DNAH11: variants seen among roughly 807,000 people sequenced by gnomAD.
The protein encoded by DNAH11 is dynein axonemal heavy chain 11, also known as axonemal beta dynein heavy chain 11.
In DNAH11, 442 loss-of-function variants were observed where a neutral mutation model predicts 526.0. That is an observed-to-expected ratio of 0.84 (90% CI 0.78 to 0.91). The LOEUF is 0.91. DNAH11 is among the 40% of genes least tolerant of loss of function. The pLI is 0.00. For missense variants in DNAH11, 6,989 were observed against 5,448.7 expected (o/e 1.28, Z -8.90); for synonymous variants, 2,461 against 1,935.9 (o/e 1.27, Z -7.12).
intron 65 of DNAH11, among the ~76,000 whole-genome samples, chr7:21,829,325 C>G (rs536172654): frequency 6.6e-6 from 1 of 151,956 alleles, no homozygotes; most frequent in East Asian, 1.9e-4. Flanking sequence ...GATGAAGCCT[C>G]CAGAATGGAA....
At chr7:21,794,674 G>A (rs1242186840) in intron 61 of DNAH11, among the ~76,000 whole-genome samples, 1 of 151,758 alleles carries the variant, frequency 6.6e-6, no homozygotes, top group Non-Finnish European at 1.5e-5. Flanking sequence ...TCCTTTGACT[G>A]AGATGAAGAA....
Position 21,773,937 on chromosome 7 carries a change from G to A in DNAH11, c.9274G>A (p.Val3092Ile). 2 of 1,589,890 alleles carry A rather than the reference G, an allele frequency of 1.3e-6. No homozygotes were observed. The highest frequency in any genetic ancestry group is 8.6e-7 in the Non-Finnish European group (1 of 1,168,222). Residue 3092 changes from valine (V) to isoleucine (I), a missense_variant, in exon 56 of 82, where the codon GTA becomes ATA. Transcript: ENST00000409508. ...CCTGTTGAAGAAGAAGCAAAATGAG[G>A]TATCCGAGAAAAAAGAACGCCTGGT... ...KNLLKKKQNEVSEKKERLVNG... is the reference protein window; with the variant it reads ...KNLLKKKQNEISEKKERLVNG...
Position 21,620,960 on chromosome 7 carries a change from A to G in DNAH11, c.4500+882A>G, listed in dbSNP as rs188736290. 5.4e-3 allele frequency among the ~76,000 whole-genome samples: 819 copies of G among 152,048 alleles called. 10 individuals carry two copies. Among genetic ancestry groups the G allele is most frequent in the African/African-American group, 0.019 (778 of 41,472 alleles). The stretch of plus-strand genomic sequence containing the variant: ...GTGCCACATTTGCTTAATCCAGTCT[A>G]TCCTCGTTGGACATTTGGGTTGGTT... On this transcript the variant is annotated intron_variant, in intron 25 of 81. Transcript: ENST00000409508.
At position 21,738,850 on chromosome 7, in the gene DNAH11, A is replaced by G. The variant is rs749545818; in HGVS notation, c.7795A>G (p.Ile2599Val). Reference protein sequence around the residue: ...VQPHTLIRQHIDYGHWYDRQK... With the variant: ...VQPHTLIRQHVDYGHWYDRQK... ...GCCTCACACCCTGATCCGGCAGCATATTGATTATGGACATTGGTAAGCAAG... is the reference window on the plus strand; with the variant it reads ...GCCTCACACCCTGATCCGGCAGCATGTTGATTATGGACATTGGTAAGCAAG... Residue 2599 changes from isoleucine (I) to valine (V), a missense_variant, in exon 47 of 82, where the codon ATT becomes GTT. Physicochemically the swap from Ile to Val is conservative, Grantham distance 29. Coordinates refer to ENST00000409508, the MANE Select transcript of DNAH11 (RefSeq NM_001277115.2). 6.2e-6 allele frequency: 10 copies of G among 1,601,768 alleles called. No individual in the cohort carries two copies. The South Asian group carries it at 1.0e-4, about 17-fold the overall frequency.
chr7:21,751,077 A>C lies in DNAH11; in HGVS notation c.8940+713A>C, dbSNP rs111605569. Among the ~76,000 whole-genome samples the C allele has an allele frequency of 3.0e-3, 454 of 152,284 alleles. 3 individuals are homozygous for C. Among genetic ancestry groups the C allele is most frequent in the African/African-American group, 0.01 (423 of 41,566 alleles). On this transcript the variant is annotated intron_variant, in intron 54 of 81. Transcript: ENST00000409508. ...AGTGGCTCACACCTGTAATCCCAGC[A>C]CTTTAGGAAGCCATGGTGGGTGGAT...
intron 14 of DNAH11, among the ~76,000 whole-genome samples, chr7:21,594,063 T>TACACAC (rs59727118): frequency 0.071 from 9,780 of 137,474 alleles, 402 homozygotes; most frequent in East Asian, 0.087. Flanking sequence ...CATACACACA[T>TACACAC]ACACACACAC....
chr7:21,872,123 C>CGAAAAAAAAAA (rs1783519056), intron 73 of DNAH11, among the ~76,000 whole-genome samples: 2 of 30,822 alleles, frequency 6.5e-5, no homozygotes. Flanking sequence ...GACTCTGTCT[C>CGAAAAAAAAAA]AAAAAAAAAA....
At chr7:21,856,201 T>C (rs1245301190) in intron 68 of DNAH11, among the ~76,000 whole-genome samples, 1 of 152,112 alleles carries the variant, frequency 6.6e-6, no homozygotes, top group Non-Finnish European at 1.5e-5. Flanking sequence ...TTATAATCTG[T>C]GTGCAACAAG....
At chr7:21,793,615 C>A (rs199868639) in intron 61 of DNAH11, among the ~76,000 whole-genome samples, 2,296 of 104,252 alleles carry the variant, frequency 0.022, no homozygotes, top group Middle Eastern at 0.036. Context: ...GACTCTGTCT[C>A]AAAAAAAAAA....
At chr7:21,845,202 T>C (rs892406459) in intron 66 of DNAH11, among the ~76,000 whole-genome samples, 2 of 152,260 alleles carry the variant, frequency 1.3e-5, no homozygotes, top group African/African-American at 4.8e-5. Context: ...TGGTGTCCTT[T>C]GAAGCACAAA....
intron 54 of DNAH11, among the ~76,000 whole-genome samples, chr7:21,756,868 T>C (rs1054607959): frequency 6.6e-6 from 1 of 152,232 alleles, no homozygotes; most frequent in Non-Finnish European, 1.5e-5. Flanking sequence ...CTTCCGGGAA[T>C]GTGGCACGTG....
Position 21,564,143 on chromosome 7 carries a change from A to C in DNAH11, c.983-43A>C, listed in dbSNP as rs72655980. ...GTAAAGTGAATTTAGAAAAAAAAAA[A>C]AAACAAACCAGAATCACGTTAATGG... On this transcript the variant is annotated intron_variant, in intron 5 of 81. Coordinates refer to ENST00000409508, the MANE Select transcript of DNAH11 (RefSeq NM_001277115.2). 2,513 of 1,463,036 alleles carry C rather than the reference A, an allele frequency of 1.7e-3. 4 individuals are homozygous for C. The highest frequency in any genetic ancestry group is 4.2e-3 in the Middle Eastern group (23 of 5,504). The allele number at this position is 1,463,036 out of a possible 1,614,324, so 90.6% of individuals were successfully genotyped here.
chr7:21,732,495 C>T (rs528708262), intron 45 of DNAH11, among the ~76,000 whole-genome samples: 50 of 152,266 alleles, frequency 3.3e-4, no homozygotes, highest in Admixed American at 9.8e-4. Flanking sequence ...AATATTACTC[C>T]GGTATGACTT....
chr7:21,619,354 C>T lies in DNAH11; in HGVS notation c.4377+132C>T, dbSNP rs968832935. 5 of 1,010,608 alleles carry T rather than the reference C, an allele frequency of 4.9e-6. No individual in the cohort carries two copies. In the African/African-American group the frequency reaches 8.2e-5, roughly 17 times the overall value. 62.6% of individuals were successfully genotyped at this position (1,010,608 alleles called of 1,614,324 possible). A position where few individuals can be genotyped will look rare whatever the true frequency, so the allele number is the denominator to read the frequency against. Reference sequence around the variant, plus strand: ...GAGTCCCAGTTTGTTCCCTGCTGTTCATTAGGTGTGGGATGAGCAGGAACT... The same window carrying T: ...GAGTCCCAGTTTGTTCCCTGCTGTTTATTAGGTGTGGGATGAGCAGGAACT... On this transcript the variant is annotated intron_variant, in intron 24 of 81. Transcript: ENST00000409508.
rs1583787819 is a variant in DNAH11 at position 21,864,529 on chromosome 7, C to G, written c.11374-6C>G. On this transcript the variant is annotated splice_polypyrimidine_tract_variant and splice_region_variant and intron_variant, in intron 69 of 81. Coordinates refer to ENST00000409508, the MANE Select transcript of DNAH11 (RefSeq NM_001277115.2). ...ATAATCCTTTTCAATTTTGTCTACT[C>G]TCAAGATTTTGTTGAGAAAGAAAGA... The G allele has an allele frequency of 1.2e-6, 2 of 1,610,356 alleles. No individual in the cohort carries two copies. The highest frequency in any genetic ancestry group is 1.3e-5 in the African/African-American group (1 of 74,902).
chr7:21,752,956 C>A (rs1265868254), intron 54 of DNAH11, among the ~76,000 whole-genome samples: 2 of 152,120 alleles, frequency 1.3e-5, no homozygotes, highest in African/African-American at 4.8e-5. Flanking sequence ...TCATGTCCAC[C>A]CGCCTTGGCC....
intron 28 of DNAH11, among the ~76,000 whole-genome samples, chr7:21,646,634 C>G (rs957506858): frequency 2.0e-5 from 3 of 152,164 alleles, no homozygotes; most frequent in Admixed American, 2.0e-4. Context: ...AAAGAACTAT[C>G]AGGTGCCCAG....
rs149341028 is a variant in DNAH11, at chr7:21,622,355, G to T, written c.4500+2277G>T. ...AAATGGAAGAACGTTCCATGCTCAT[G>T]GGTAAGAAGAATCAATATTGTGAAA... is the stretch of plus-strand genomic sequence containing the variant. On this transcript the variant is annotated intron_variant, in intron 25 of 81. Coordinates refer to ENST00000409508, the MANE Select transcript of DNAH11 (RefSeq NM_001277115.2). Among the ~76,000 whole-genome samples, 240 of 152,288 alleles carry T rather than the reference G, an allele frequency of 1.6e-3. 2 individuals carry two copies. The highest frequency in any genetic ancestry group is 5.6e-3 in the African/African-American group (232 of 41,556).
At position 21,600,814 on chromosome 7, in the gene DNAH11, G is replaced by A. The variant is rs77008420; in HGVS notation, c.3139G>A (p.Glu1047Lys). ...TTACCTCTGGGTGGATGATCGAGCT[G>A]AGTTTATGAAGCATTTTCTCTTGTA... is the stretch of plus-strand genomic sequence containing the variant. ...HTYLWVDDRAEFMKHFLLYGH... is the reference protein window; with the variant it reads ...HTYLWVDDRAKFMKHFLLYGH... The change falls in exon 16 of 82, where the codon GAG (glutamate) becomes AAG (lysine). Residue 1047 changes from glutamate to lysine, a missense_variant. Physicochemically the swap from Glu to Lys is moderately conservative, Grantham distance 56. Coordinates refer to ENST00000409508, the MANE Select transcript of DNAH11 (RefSeq NM_001277115.2). 4.4e-5 allele frequency: 71 copies of A among 1,613,950 alleles called. No individual in the cohort carries two copies. The African/African-American group carries it at 8.7e-4, about 20-fold the overall frequency.
Sources: allele counts gnomAD v4.1 joint callset (sites outside exome capture counted in the v4.1 genomes callset), GRCh38; gene constraint gnomAD v4.1.1; transcripts MANE v1.5; gene names NCBI Gene and HGNC (gene_info 2026-07-23, HGNC 2026-07-21).